HDAC9: variants seen among roughly 807,000 people sequenced by gnomAD.
HDAC9 encodes the protein histone deacetylase 9.
A neutral mutation model predicts 139.4 loss-of-function variants in HDAC9; 41 were observed. The observed-to-expected ratio is 0.29, with a 90% CI of 0.23 to 0.38. The LOEUF (loss-of-function observed/expected upper bound fraction) is 0.38, where lower values mean the gene tolerates loss of function less well. Ranked by LOEUF, HDAC9 falls within the 10% of genes least tolerant of loss-of-function variation. The pLI is 1.00. For missense variants in HDAC9, 1,147 were observed against 1,297.0 expected (o/e 0.88, Z 1.78); for synonymous variants, 517 against 476.2 (o/e 1.09, Z -1.12).
chr7:18,366,367 A>G (rs1392588056), intron 1 of HDAC9, among the ~76,000 whole-genome samples: 1 of 152,154 alleles, frequency 6.6e-6, no homozygotes, highest in Non-Finnish European at 1.5e-5. Context: ...AACTTTGGGA[A>G]TAAAAGTTTC....
chr7:18,419,792 G>A (rs532831471), intron 1 of HDAC9, among the ~76,000 whole-genome samples: 1 of 152,042 alleles, frequency 6.6e-6, no homozygotes, highest in East Asian at 1.9e-4. Flanking sequence ...TTTTATAAAA[G>A]CCTTCTGGTT....
chr7:18,092,221 A>C (rs1481089547), intron 1 of HDAC9, among the ~76,000 whole-genome samples: 1 of 151,968 alleles, frequency 6.6e-6, no homozygotes, highest in East Asian at 1.9e-4. Flanking sequence ...CCCTGTTGCT[A>C]CAAAAAAATG....
intron 6 of HDAC9, among the ~76,000 whole-genome samples, chr7:18,596,205 G>A (rs1453346638): frequency 6.6e-6 from 1 of 152,002 alleles, no homozygotes; most frequent in Non-Finnish European, 1.5e-5. Flanking sequence ...AAGCATCGTA[G>A]CAATAAAGTT....
intron 12 of HDAC9, among the ~76,000 whole-genome samples, chr7:18,677,803 G>A (rs1157597196): frequency 6.6e-6 from 1 of 151,724 alleles, no homozygotes; most frequent in Non-Finnish European, 1.5e-5. Context: ...TTTGTCATTG[G>A]CCTTCCATTT....
chr7:18,163,013 A>G (rs1318115977), intron 2 of HDAC9, among the ~76,000 whole-genome samples: 8 of 152,172 alleles, frequency 5.3e-5, no homozygotes, highest in Admixed American at 5.2e-4. Flanking sequence ...AGTAACAGAC[A>G]AGTTTTACAA....
intron 2 of HDAC9, among the ~76,000 whole-genome samples, chr7:18,578,781 G>C (rs996369502): frequency 8.5e-5 from 13 of 152,172 alleles, no homozygotes; most frequent in Non-Finnish European, 1.5e-4. Context: ...ACTGCAATGT[G>C]CTACTCTTGG....
chr7:18,698,058 A>G (rs1783186636), intron 12 of HDAC9, among the ~76,000 whole-genome samples: 1 of 152,180 alleles, frequency 6.6e-6, no homozygotes, highest in South Asian at 2.1e-4. Context: ...TGAGAAAAAG[A>G]AGGAAACTTA....
intron 2 of HDAC9, among the ~76,000 whole-genome samples, chr7:18,566,005 G>A (rs1822220508): frequency 6.6e-6 from 1 of 151,936 alleles, no homozygotes; most frequent in Non-Finnish European, 1.5e-5. Context: ...TTCTCAAACT[G>A]GGTATTATAT....
At chr7:18,824,093 G>C (rs71524251) in intron 17 of HDAC9, among the ~76,000 whole-genome samples, 4,116 of 150,758 alleles carry the variant, frequency 0.027, 117 homozygotes, top group East Asian at 0.14. Context: ...AGAAGAACAA[G>C]AACAAGAAGG....
At chr7:18,933,290 T>C (rs1448241407) in intron 22 of HDAC9, among the ~76,000 whole-genome samples, 1 of 152,124 alleles carries the variant, frequency 6.6e-6, no homozygotes, top group Non-Finnish European at 1.5e-5. Flanking sequence ...ACAAGAGAAC[T>C]AGAGGACTCT....
At chr7:18,477,905 G>A (rs2128125325) in intron 1 of HDAC9, among the ~76,000 whole-genome samples, 1 of 151,774 alleles carries the variant, frequency 6.6e-6, no homozygotes, top group South Asian at 2.1e-4. Flanking sequence ...TTTCATTTTA[G>A]CTTAAAATGT....
chr7:18,110,040 T>C lies in HDAC9; in HGVS notation c.-97+22827T>C, dbSNP rs573214124. Among the ~76,000 whole-genome samples, 9 of 152,328 alleles carry C rather than the reference T, an allele frequency of 5.9e-5. No individual in the cohort carries two copies. The South Asian group carries it at 1.7e-3, about 28-fold the overall frequency. On this transcript the variant is annotated intron_variant, in intron 1 of 12. Coordinates refer to the HDAC9 transcript ENST00000417496. ...CTCACTTGAGATAATTTAAAGAACA[T>C]TCCCCAGACAATTCTGAAAGTTGAC...
At chr7:18,682,798 C>T (rs995314441) in intron 12 of HDAC9, among the ~76,000 whole-genome samples, 10 of 149,466 alleles carry the variant, frequency 6.7e-5, no homozygotes, top group East Asian at 1.9e-4. Context: ...GCCTGGCCAA[C>T]GTGGTGAAAC....
At chr7:18,684,192 G>C (rs1042833815) in intron 12 of HDAC9, among the ~76,000 whole-genome samples, 2 of 151,384 alleles carry the variant, frequency 1.3e-5, no homozygotes, top group African/African-American at 4.9e-5. Context: ...TGGAGGCGGA[G>C]ATTGCAGTGA....
chr7:18,905,944 T>C (rs571954158), intron 22 of HDAC9, among the ~76,000 whole-genome samples: 1 of 151,636 alleles, frequency 6.6e-6, no homozygotes, highest in East Asian at 1.9e-4. Flanking sequence ...CTTTCTCCTC[T>C]TTCTTTCCTT....
chr7:18,184,304 G>T (rs183855810), intron 2 of HDAC9, among the ~76,000 whole-genome samples: 1 of 152,236 alleles, frequency 6.6e-6, no homozygotes, highest in East Asian at 1.9e-4. Flanking sequence ...GGAGGCTGAG[G>T]CAGGAGAATT....
chr7:18,894,524 T>A (rs1474177054), intron 22 of HDAC9, among the ~76,000 whole-genome samples: 1 of 152,034 alleles, frequency 6.6e-6, no homozygotes, highest in Non-Finnish European at 1.5e-5. Flanking sequence ...ACTTCTGACC[T>A]AGACAAGATA....
chr7:18,786,796 T>TTCCTTCCTTCCTTCCTTCC (rs1791846310), intron 16 of HDAC9, among the ~76,000 whole-genome samples: 4 of 44,058 alleles, frequency 9.1e-5, no homozygotes, highest in East Asian at 3.1e-4. Context: ...TCTTTCTTTC[T>TTCCTTCCTTCCTTCCTTCC]TTCCTTCCTT....
intron 21 of HDAC9, among the ~76,000 whole-genome samples, chr7:18,871,801 C>G (rs1317658937): frequency 1.3e-5 from 2 of 152,070 alleles, no homozygotes; most frequent in Non-Finnish European, 2.9e-5. Flanking sequence ...CATGGACATT[C>G]GTAAATTCAT....
Sources: gnomAD v4.1 joint callset for allele counts (sites outside exome capture counted in the v4.1 genomes callset) on GRCh38, gnomAD v4.1.1 for gene constraint, MANE v1.5 for transcripts, NCBI Gene and HGNC (gene_info 2026-07-23, HGNC 2026-07-21) for gene names.